The following PCDH11X variants were observed in gnomAD, a reference collection of about 807,000 sequenced individuals.
PCDH11X encodes protocadherin 11 X-linked, also known as protocadherin-11 X-linked.
In PCDH11X, 18 loss-of-function variants were observed where a neutral mutation model predicts 53.3. The observed-to-expected ratio is 0.34, with a 90% CI of 0.23 to 0.50. PCDH11X has a LOEUF of 0.50. Ranked by LOEUF, PCDH11X falls within the 20% of genes least tolerant of loss-of-function variation. The pLI is 0.98. For synonymous variants in PCDH11X, 279 were observed against 393.3 expected (o/e 0.71, Z 3.44); for missense variants, 570 against 1,032.4 (o/e 0.55, Z 6.14).
intron 9 of PCDH11X, among the ~76,000 whole-genome samples, chrX:92,403,339 G>GTTTTTTTTTTTTTTTTTTTTTTTTTT (rs1191277649): frequency 8.1e-5 from 4 of 49,352 alleles, no homozygotes; most frequent in Admixed American, 3.2e-4. Context: ...GTTTTTTTTT[G>GTTTTTTTTTTTTTTTTTTTTTTTTTT]TTTTTTTTTT....
intron 8 of PCDH11X, among the ~76,000 whole-genome samples, chrX:92,302,752 C>T (rs2068749139): frequency 9.4e-6 from 1 of 106,894 alleles, no homozygotes; most frequent in South Asian, 4.2e-4. Context: ...AAGAATAGTT[C>T]CAGAAGCTGT....
chrX:91,992,765 C>A lies in PCDH11X; in HGVS notation c.3033+113492C>A, dbSNP rs186058699. On this transcript the variant is annotated intron_variant, in intron 6 of 10. Coordinates refer to ENST00000682573, the MANE Select transcript of PCDH11X (RefSeq NM_032968.5). Reference sequence around the variant, plus strand: ...AGATTATCTTGTTTTGGACTCTCAACAGCCTTATGGGGCAATTATTTTTAT... The same window carrying A: ...AGATTATCTTGTTTTGGACTCTCAAAAGCCTTATGGGGCAATTATTTTTAT... Among the ~76,000 whole-genome samples the A allele has an allele frequency of 5.6e-3, 611 of 108,349 alleles. 7 individuals carry two copies. The highest frequency in any genetic ancestry group is 0.02 in the African/African-American group (586 of 29,618). The allele number at this position is 108,349 out of a possible 115,157, so 94.1% of individuals were successfully genotyped here. A position where few individuals can be genotyped will look rare whatever the true frequency, so the allele number is the denominator to read the frequency against.
intron 9 of PCDH11X, among the ~76,000 whole-genome samples, chrX:92,433,284 T>C (rs954343245): frequency 9.0e-6 from 1 of 110,914 alleles, no homozygotes; most frequent in Non-Finnish European, 1.9e-5. Flanking sequence ...CAAATAAATA[T>C]AGTGAGGAAA....
chrX:92,251,761 CATT>C (rs1225415863), intron 7 of PCDH11X, among the ~76,000 whole-genome samples: 5 of 110,929 alleles, frequency 4.5e-5, no homozygotes, highest in African/African-American at 1.6e-4. Context: ...ATGTCACCAT[CATT>C]ATTATCATCA....
At chrX:91,959,009 A>AT (rs2061748286) in intron 6 of PCDH11X, among the ~76,000 whole-genome samples, 1 of 105,918 alleles carries the variant, frequency 9.4e-6, no homozygotes, top group Non-Finnish European at 1.9e-5. Flanking sequence ...CAGATAACAC[A>AT]TTTTTCCTAG....
chrX:92,576,065 G>A (rs1365928635), intron 10 of PCDH11X, among the ~76,000 whole-genome samples: 2 of 92,329 alleles, frequency 2.2e-5, no homozygotes, highest in Non-Finnish European at 4.3e-5. Flanking sequence ...ATATATAGGT[G>A]CTCCAGGGTT....
chrX:92,446,495 A>G (rs919907581), intron 9 of PCDH11X, among the ~76,000 whole-genome samples: 2 of 110,831 alleles, frequency 1.8e-5, no homozygotes, highest in Admixed American at 1.9e-4. Context: ...GTCTCACAAG[A>G]TCTGATGGCT....
At chrX:92,537,599 G>C (rs1233652722) in intron 10 of PCDH11X, among the ~76,000 whole-genome samples, 1 of 102,790 alleles carries the variant, frequency 9.7e-6, no homozygotes, top group Non-Finnish European at 2.0e-5. Flanking sequence ...CACCTTACCT[G>C]ACTTGAAATT....
intron 5 of PCDH11X, among the ~76,000 whole-genome samples, chrX:91,853,697 T>C (rs1938164554): frequency 9.1e-6 from 1 of 110,374 alleles, no homozygotes; most frequent in Non-Finnish European, 1.9e-5. Context: ...GAAGATTCAA[T>C]ATATGAATGA....
intron 10 of PCDH11X, among the ~76,000 whole-genome samples, chrX:92,490,922 G>C (rs1490680891): frequency 1.9e-5 from 2 of 107,749 alleles, no homozygotes; most frequent in Non-Finnish European, 1.9e-5. Context: ...GGGGCAGATC[G>C]TAGGGAATCC....
Position 92,252,676 on chromosome X carries a change from A to T in PCDH11X, c.3115-10438A>T, listed in dbSNP as rs746047427. 2.0e-3 allele frequency among the ~76,000 whole-genome samples: 220 copies of T among 110,221 alleles called. 1 individual carries two copies. The highest frequency in any genetic ancestry group is 6.8e-3 in the African/African-American group (206 of 30,450). ...AATATTTAGGAATGATTTTTTTTTTAAATTGGATGAGATTTTAGTCAACTT... is the reference window on the plus strand; with the variant it reads ...AATATTTAGGAATGATTTTTTTTTTTAATTGGATGAGATTTTAGTCAACTT... On this transcript the variant is annotated intron_variant, in intron 7 of 10. Transcript: ENST00000682573.
chrX:91,932,705 C>T (rs2362490), intron 6 of PCDH11X, among the ~76,000 whole-genome samples: 6 of 104,903 alleles, frequency 5.7e-5, no homozygotes, highest in African/African-American at 1.4e-4. Flanking sequence ...TGTGTGCGCG[C>T]GCGCGCGCCT....
intron 6 of PCDH11X, among the ~76,000 whole-genome samples, chrX:91,908,741 G>A (rs756984715): frequency 1.5e-4 from 16 of 108,573 alleles, no homozygotes; most frequent in African/African-American, 5.1e-4. Context: ...GGAGGCAGAG[G>A]TTGCAGTGAA....
chrX:91,842,803 A>T (rs1937543598), intron 5 of PCDH11X, among the ~76,000 whole-genome samples: 1 of 98,689 alleles, frequency 1.0e-5, no homozygotes, highest in East Asian at 3.2e-4. Flanking sequence ...TAAGCAAAAC[A>T]AAGGATTTTA....
At chrX:92,580,558 T>TCCG (rs1923553840) in intron 10 of PCDH11X, among the ~76,000 whole-genome samples, 1 of 110,122 alleles carries the variant, frequency 9.1e-6, no homozygotes, top group Non-Finnish European at 1.9e-5. Context: ...GAGAATTTCT[T>TCCG]CCGGTCCAAG....
chrX:91,915,707 G>T (rs1380333108), intron 6 of PCDH11X, among the ~76,000 whole-genome samples: 5 of 111,316 alleles, frequency 4.5e-5, no homozygotes, highest in Non-Finnish European at 9.4e-5. Flanking sequence ...CTAGACCTAA[G>T]AAATGAGATA....
At chrX:92,063,350 G>A (rs76414471) in intron 6 of PCDH11X, among the ~76,000 whole-genome samples, 1 of 109,315 alleles carries the variant, frequency 9.1e-6, no homozygotes, top group Non-Finnish European at 1.9e-5. Flanking sequence ...AAAAAAAAAA[G>A]CTATGCATTC....
chrX:92,110,945 G>A (rs1471759254), intron 6 of PCDH11X, among the ~76,000 whole-genome samples: 1 of 109,284 alleles, frequency 9.2e-6, no homozygotes, highest in African/African-American at 3.3e-5. Context: ...GAGGAACCAG[G>A]ACATGCTGAT....
chrX:91,954,381 C>G (rs780847330), intron 6 of PCDH11X, among the ~76,000 whole-genome samples: 31 of 111,314 alleles, frequency 2.8e-4, no homozygotes, highest in African/African-American at 1.0e-3. Context: ...TGGGTTGATT[C>G]CATGTCTTTG....
Sources: gnomAD v4.1 joint callset for allele counts (sites outside exome capture counted in the v4.1 genomes callset) on GRCh38, gnomAD v4.1.1 for gene constraint, MANE v1.5 for transcripts, NCBI Gene and HGNC (gene_info 2026-07-23, HGNC 2026-07-21) for gene names.